Variants in CHID1 observed in about 807,000 individuals in gnomAD.
The protein encoded by CHID1 is chitinase domain containing 1.
A neutral mutation model predicts 55.4 loss-of-function variants in CHID1; 44 were observed. The observed-to-expected ratio is 0.79, with a 90% CI of 0.62 to 1.02. CHID1 has a LOEUF of 1.02. Among genes scored for constraint, CHID1 ranks in the 50% least tolerant of loss-of-function variants. The pLI is 0.00. For synonymous variants in CHID1, 216 were observed against 212.9 expected, an observed-to-expected ratio of 1.01 and a Z score of -0.13; for missense variants, 491 against 515.3, an observed-to-expected ratio of 0.95 and a Z score of 0.46.
In CHID1 at chr11:902,305, G is replaced by A. The variant is rs1851880211; in HGVS notation, c.287C>T (p.Thr96Ile). The A allele has an allele frequency of 6.2e-7, 1 of 1,613,572 alleles. No homozygotes were observed. The highest frequency in any genetic ancestry group is 1.7e-4 in the Middle Eastern group (1 of 6,060). Residue 96 changes from threonine to isoleucine, a missense_variant, in exon 4 of 13, where the codon ACC becomes ATC. Transcript: ENST00000323578. ...TPWNSHGYDVTKVFGSKFTQI... is the reference protein window; with the variant it reads ...TPWNSHGYDVIKVFGSKFTQI... ...TGTGAACTTGCTCCCAAAGACCTTG[G>A]TGACATCGTAGCCATGGCTGTTCCA...
upstream of CHID1, among the ~76,000 whole-genome samples, chr11:912,857 A>G (rs1852777836): frequency 6.6e-6 from 1 of 151,484 alleles, no homozygotes; most frequent in Non-Finnish European, 1.5e-5. Context: ...AAAAAGAAAA[A>G]GAAAAAGAAA....
intron 10 of CHID1, among the ~76,000 whole-genome samples, chr11:873,558 G>A (rs1287936083): frequency 6.6e-6 from 1 of 152,098 alleles, no homozygotes; most frequent in African/African-American, 2.4e-5. Context: ...GGTGCAGGGA[G>A]CACTGCAGGA....
upstream of CHID1, chr11:914,620 C>A: frequency 8.0e-7 from 1 of 1,242,670 alleles, no homozygotes; most frequent in Non-Finnish European, 1.1e-6. Flanking sequence ...GTAATCCCAG[C>A]ACTTCGGGAG....
At chr11:883,740 C>T (rs1035246609) in intron 9 of CHID1, among the ~76,000 whole-genome samples, 6 of 152,256 alleles carry the variant, frequency 3.9e-5, no homozygotes, top group Admixed American at 1.3e-4. Flanking sequence ...TCCCTGCCTG[C>T]GCCTGTGTCA....
At chr11:908,664 A>G (rs1852412693) in intron 1 of CHID1, 1 of 966,112 alleles carries the variant, frequency 1.0e-6, no homozygotes, top group African/African-American at 1.8e-5. Flanking sequence ...GGGAGGAAGG[A>G]AAGGAATGAA....
chr11:891,854 G>A (rs117185347), intron 8 of CHID1, among the ~76,000 whole-genome samples: 3,621 of 151,238 alleles, frequency 0.024, 82 homozygotes, highest in Non-Finnish European at 0.032. Flanking sequence ...GGCTGGCCAC[G>A]GTGGCTTGGG....
chr11:869,869 C>T lies in CHID1; in HGVS notation c.1171G>A (p.Asp391Asn), dbSNP rs777138598. 5.6e-6 allele frequency: 9 copies of T among 1,613,030 alleles called. No individual in the cohort carries two copies. The highest frequency in any genetic ancestry group is 4.5e-5 in the East Asian group (2 of 44,870). ...GCCGCAATGCCCACCTAGAGCAGGT[C>T]GTAGAAGTAGTCCAGGCCCTGGCCC... ...ELGQGLDYFY[D>N]LL The change falls in exon 13 of 13, where the codon GAC becomes AAC. Residue 391 changes from aspartate (D) to asparagine (N), a missense_variant. Physicochemically the swap from Asp to Asn is conservative, Grantham distance 23. Coordinates refer to ENST00000323578, the MANE Select transcript of CHID1 (RefSeq NM_023947.4).
intron 8 of CHID1, among the ~76,000 whole-genome samples, chr11:886,707 T>C (rs1850425275): frequency 6.6e-6 from 1 of 152,202 alleles, no homozygotes; most frequent in Non-Finnish European, 1.5e-5. Flanking sequence ...GAAGGTGGGC[T>C]TCGGGCTTGC....
chr11:883,170 G>A lies in CHID1; in HGVS notation c.937C>T (p.Arg313Cys), dbSNP rs745451507. 79 of 1,612,660 alleles carry A rather than the reference G, an allele frequency of 4.9e-5. No individual in the cohort carries two copies. Among genetic ancestry groups the A allele is most frequent in the Middle Eastern group, 1.6e-4 (1 of 6,076 alleles). ...GMDYATSKDA[R>C]EPVVGARYIQ... is the part of the protein sequence containing the mutation. The stretch of plus-strand genomic sequence containing the variant: ...CACCTGGCCCCGACAACAGGCTCAC[G>A]GGCATCCTTGGAGGTCGCGTAGTCC... Residue 313 changes from arginine to cysteine, a missense_variant, in exon 10 of 13, where the codon CGT (arginine) becomes TGT (cysteine). By Grantham distance (180) the Arg-to-Cys change is radical. Coordinates refer to ENST00000323578, the MANE Select transcript of CHID1 (RefSeq NM_023947.4).
At position 903,090 on chromosome 11, in the gene CHID1, C is replaced by T; in HGVS notation, c.133G>A (p.Val45Met). ...LEKSQFSDKP[V>M]QDRGLVVTDL... ...GTCACCACCAAACCCCGGTCTTGCA[C>T]CGGCTTATCTGAAAACTGACTCTGA... Residue 45 changes from valine to methionine, a missense_variant, in exon 3 of 13, where the codon GTG becomes ATG. Transcript: ENST00000323578. 1 of 1,612,146 alleles carries T rather than the reference C, an allele frequency of 6.2e-7. No individual in the cohort carries two copies. The highest frequency in any genetic ancestry group is 2.2e-5 in the East Asian group (1 of 44,890).
intron 1 of CHID1, among the ~76,000 whole-genome samples, chr11:909,932 C>T (rs1330649322): frequency 1.3e-5 from 2 of 152,052 alleles, no homozygotes; most frequent in Non-Finnish European, 2.9e-5. Context: ...CAGTGGTGTG[C>T]GCCTGTACTC....
At position 893,470 on chromosome 11, in the gene CHID1, G is replaced by A. The variant is rs776704672; in HGVS notation, c.658C>T (p.Arg220Trp). Residue 220 changes from arginine to tryptophan, a missense_variant, in exon 8 of 13, where the codon CGG becomes TGG. Transcript: ENST00000323578. ...GGGATGACCAGGAGGGCCAGCAGCC[G>A]GGCCTGGTGCAGAGCCTCGGCCAAG... ...THLAEALHQA[R>W]LLALLVIPPA... 20 of 1,551,912 alleles carry A rather than the reference G, an allele frequency of 1.3e-5. 1 individual carries two copies. Among genetic ancestry groups the A allele is most frequent in the South Asian group, 7.1e-5 (6 of 84,134 alleles).
chr11:868,679 GGAGACCCCACCATGCTTC>G lies in CHID1; in HGVS notation c.*1161_*1178del, dbSNP rs1848992548. ...CCCTCCCCAGCTCCCGTCCTGTGGA[GGAGACCCCACCATGCTTC>G]CTCACCACCGGCTGGAGATGTCCTG... is the stretch of plus-strand genomic sequence containing the variant. On this transcript the variant is annotated 3_prime_UTR_variant, in exon 13 of 13. Coordinates refer to ENST00000323578, the MANE Select transcript of CHID1 (RefSeq NM_023947.4). 1.3e-5 allele frequency: 2 copies of G among 152,148 alleles called. No individual in the cohort carries two copies. Among genetic ancestry groups the G allele is most frequent in the African/African-American group, 4.8e-5 (2 of 41,404 alleles). The allele number at this position is 152,148 out of a possible 1,614,324, so 9.4% of individuals were successfully genotyped here.
chr11:878,015 G>A (rs958986394), intron 10 of CHID1, among the ~76,000 whole-genome samples: 2 of 152,236 alleles, frequency 1.3e-5, no homozygotes, highest in Non-Finnish European at 2.9e-5. Context: ...CTCAGACCCT[G>A]TACCACGGAC....
upstream of CHID1, chr11:910,992 G>T: frequency 5.8e-6 from 1 of 173,226 alleles, no homozygotes; most frequent in Non-Finnish European, 1.1e-5. Context: ...GGCGGACCCC[G>T]GGCCCGGCGC....
intron 10 of CHID1, among the ~76,000 whole-genome samples, chr11:871,023 C>T (rs1849145020): frequency 1.4e-5 from 2 of 141,896 alleles, no homozygotes; most frequent in Non-Finnish European, 3.0e-5. Context: ...CGGAGTCTCA[C>T]TCTGTCGCCC....
intron 10 of CHID1, chr11:882,899 C>CCCAGCCTCACGCAGATGTGGGG: frequency 2.2e-6 from 1 of 464,858 alleles, no homozygotes; most frequent in South Asian, 3.0e-5. Flanking sequence ...AAGCCTCAGT[C>CCCAGCCTCACGCAGATGTGGGG]CCAGCCTCAC....
intron 10 of CHID1, among the ~76,000 whole-genome samples, chr11:880,981 G>A (rs1338284426): frequency 6.6e-6 from 1 of 152,238 alleles, no homozygotes; most frequent in Non-Finnish European, 1.5e-5. Flanking sequence ...CAGGAAGGCA[G>A]CATAATAGGA....
intron 8 of CHID1, among the ~76,000 whole-genome samples, chr11:885,362 G>T (rs1850312724): frequency 6.6e-6 from 1 of 152,198 alleles, no homozygotes; most frequent in Non-Finnish European, 1.5e-5. Context: ...CCAGGACCAA[G>T]GTCTGGGCCT....
Sources: allele counts gnomAD v4.1 joint callset (sites outside exome capture counted in the v4.1 genomes callset), GRCh38; gene constraint gnomAD v4.1.1; transcripts MANE v1.5; gene names NCBI Gene and HGNC (gene_info 2026-07-23, HGNC 2026-07-21).